Variants in TCF4 observed in about 807,000 individuals in gnomAD.
TCF4 encodes SL3-3 enhancer factor 2.
Under a neutral mutation model 82.1 loss-of-function variants are expected in TCF4, and 3 were observed. That is an observed-to-expected ratio of 0.04 (90% CI 0.02 to 0.09). The LOEUF is 0.09. TCF4 is among the 10% of genes least tolerant of loss of function. The probability of loss-of-function intolerance (pLI) is 1.00; values close to 1 mark genes in which losing one functional copy is unlikely to be tolerated. For synonymous variants in TCF4, 276 were observed against 309.6 expected (o/e 0.89, Z 1.14); for missense variants, 518 against 852.7 (o/e 0.61, Z 4.89).
At chr18:55,244,445 C>T (rs2052393604) in intron 15 of TCF4, among the ~76,000 whole-genome samples, 1 of 152,154 alleles carries the variant, frequency 6.6e-6, no homozygotes. Context: ...CATTTTAGTT[C>T]CTTTCATACT....
At chr18:55,513,623 T>C (rs1286574995) in intron 3 of TCF4, among the ~76,000 whole-genome samples, 1 of 152,156 alleles carries the variant, frequency 6.6e-6, no homozygotes, top group African/African-American at 2.4e-5. Context: ...TTCAGTTTGT[T>C]AAAGAAAATT....
chr18:55,609,364 G>A (rs540098332), intron 2 of TCF4, among the ~76,000 whole-genome samples: 4 of 152,248 alleles, frequency 2.6e-5, no homozygotes, highest in South Asian at 4.2e-4. Context: ...AATAGTCTAG[G>A]AGTGTCCTTC....
intron 6 of TCF4, among the ~76,000 whole-genome samples, chr18:55,384,841 C>T (rs1385506392): frequency 6.6e-6 from 1 of 152,046 alleles, no homozygotes; most frequent in Non-Finnish European, 1.5e-5. Context: ...TGGAATGAAT[C>T]AGAAAGTAGA....
intron 3 of TCF4, among the ~76,000 whole-genome samples, chr18:55,583,390 TGTAA>T (rs1205738290): frequency 6.6e-6 from 1 of 152,260 alleles, no homozygotes; most frequent in Non-Finnish European, 1.5e-5. Flanking sequence ...TTCAGAACTG[TGTAA>T]GTGTTGATAT....
intron 3 of TCF4, among the ~76,000 whole-genome samples, chr18:55,538,024 GCGCACACACA>G (rs1303949373): frequency 2.4e-5 from 3 of 125,610 alleles, no homozygotes; most frequent in African/African-American, 6.3e-5. Context: ...GTCTGCGCGC[GCGCACACACA>G]CACACACACA....
intron 6 of TCF4, among the ~76,000 whole-genome samples, chr18:55,385,767 G>A (rs2092540188): frequency 6.6e-6 from 1 of 152,218 alleles, no homozygotes; most frequent in African/African-American, 2.4e-5. Context: ...TCAGGGATTA[G>A]AGTCCTTCAT....
chr18:55,256,819 T>A (rs754061428), intron 14 of TCF4, among the ~76,000 whole-genome samples: 1 of 152,122 alleles, frequency 6.6e-6, no homozygotes, highest in Non-Finnish European at 1.5e-5. Context: ...AATAATTAAC[T>A]ACATCCATGG....
chr18:55,228,733 G>C (rs187679228), intron 18 of TCF4, 114 bp downstream of exon 18: 1 of 1,097,768 alleles, frequency 9.1e-7, no homozygotes, highest in East Asian at 2.6e-5. Flanking sequence ...CAATTCTTTG[G>C]AATGATGCTT....
chr18:55,544,727 T>C (rs762885198), intron 3 of TCF4, among the ~76,000 whole-genome samples: 30 of 152,190 alleles, frequency 2.0e-4, no homozygotes, highest in Non-Finnish European at 4.0e-4. Flanking sequence ...TGAATTCTTA[T>C]GATGCAGAAA....
chr18:55,310,532 A>C (rs2072013300), intron 8 of TCF4, among the ~76,000 whole-genome samples: 1 of 152,220 alleles, frequency 6.6e-6, no homozygotes, highest in Non-Finnish European at 1.5e-5. Flanking sequence ...GTGCTACAGA[A>C]GGCAACTGAG....
chr18:55,292,553 C>A (rs1280533070), intron 8 of TCF4, among the ~76,000 whole-genome samples: 2 of 152,112 alleles, frequency 1.3e-5, no homozygotes, highest in Non-Finnish European at 2.9e-5. Flanking sequence ...AATATACAGA[C>A]AGGTTAAAAG....
chr18:55,444,640 C>CA (rs1337428151), intron 5 of TCF4, among the ~76,000 whole-genome samples: 1 of 152,222 alleles, frequency 6.6e-6, no homozygotes, highest in East Asian at 1.9e-4. Flanking sequence ...CACAATGCAA[C>CA]AAATTGCCTT....
At chr18:55,324,576 G>C (rs1238157407) in intron 8 of TCF4, among the ~76,000 whole-genome samples, 1 of 152,130 alleles carries the variant, frequency 6.6e-6, no homozygotes, top group Non-Finnish European at 1.5e-5. Flanking sequence ...ACAGGACCCT[G>C]AACTAGTCTA....
chr18:55,231,681 G>A (rs572331659), intron 17 of TCF4: 5 of 152,128 alleles, frequency 3.3e-5, no homozygotes, highest in Non-Finnish European at 7.3e-5. Context: ...AGAAGTATTC[G>A]GCATTTTTAA....
intron 8 of TCF4, among the ~76,000 whole-genome samples, chr18:55,338,502 C>A (rs2079127106): frequency 6.6e-6 from 1 of 152,196 alleles, no homozygotes; most frequent in Non-Finnish European, 1.5e-5. Context: ...TATTCACTCC[C>A]TGCCAGCATA....
intron 5 of TCF4, among the ~76,000 whole-genome samples, chr18:55,431,113 A>T (rs1211126799): frequency 6.6e-6 from 1 of 152,206 alleles, no homozygotes; most frequent in East Asian, 1.9e-4. Context: ...CAAGAGAATA[A>T]AAACGAAGCA....
intron 3 of TCF4, among the ~76,000 whole-genome samples, chr18:55,531,962 G>A (rs1331649789): frequency 6.6e-6 from 1 of 152,146 alleles, no homozygotes; most frequent in Non-Finnish European, 1.5e-5. Flanking sequence ...AAAAATAGCT[G>A]TCAAAAATAT....
chr18:55,273,490 C>T (rs1320857697), intron 10 of TCF4, among the ~76,000 whole-genome samples: 1 of 152,108 alleles, frequency 6.6e-6, no homozygotes, highest in African/African-American at 2.4e-5. Context: ...AAAGTATTGT[C>T]AGTGTCAGAT....
chr18:55,489,809 C>T (rs1158698073), intron 3 of TCF4, among the ~76,000 whole-genome samples: 3 of 152,132 alleles, frequency 2.0e-5, no homozygotes, highest in Admixed American at 1.3e-4. Flanking sequence ...TCTTAAACAA[C>T]CTGAAACCAC....
Sources: gnomAD v4.1 joint callset for allele counts (sites outside exome capture counted in the v4.1 genomes callset) on GRCh38, gnomAD v4.1.1 for gene constraint, MANE v1.5 for transcripts, NCBI Gene and HGNC (gene_info 2026-07-23, HGNC 2026-07-21) for gene names.